The following CIMIP2C variants were observed in gnomAD, a reference collection of about 807,000 sequenced individuals.
CIMIP2C encodes UPF0573 protein C2orf70.
At chr2:26,570,495 C>G in the CIMIP2C span, among the ~76,000 whole-genome samples, 2 of 152,200 alleles carry the variant, frequency 1.3e-5, no homozygotes, top group Admixed American at 6.5e-5. Context: ...CAAGTTCATT[C>G]GGGTCTGAGT....
At chr2:26,576,986 C>A in the CIMIP2C span, among the ~76,000 whole-genome samples, 75 of 152,204 alleles carry the variant, frequency 4.9e-4, 3 homozygotes, top group Admixed American at 3.1e-3. Flanking sequence ...AAGGTGTGTC[C>A]TGGCCCCAGG....
chr2:26,572,296 G>A, the CIMIP2C span: 1 of 753,844 alleles, frequency 1.3e-6, no homozygotes. Flanking sequence ...CACTTCAATA[G>A]ATTTGAAGCT....
At chr2:26,578,900 C>T in the CIMIP2C span, 1 of 473,372 alleles carries the variant, frequency 2.1e-6, no homozygotes, top group South Asian at 1.5e-5. Flanking sequence ...GAATCCCCTC[C>T]ATCAGCACCA....
chr2:26,568,463 A>G, the CIMIP2C span, among the ~76,000 whole-genome samples: 1 of 152,222 alleles, frequency 6.6e-6, no homozygotes, highest in African/African-American at 2.4e-5. Context: ...CTCTACCTTG[A>G]GGAACTGTGG....
the CIMIP2C span, chr2:26,579,462 T>C: frequency 6.2e-7 from 1 of 1,607,898 alleles, no homozygotes; most frequent in African/African-American, 1.3e-5. Context: ...GAGCAGAGCC[T>C]GATGCCTGAG....
the CIMIP2C span, among the ~76,000 whole-genome samples, chr2:26,573,198 T>C: frequency 3.6e-4 from 55 of 151,542 alleles, no homozygotes; most frequent in African/African-American, 1.3e-3. Context: ...AGGGTGAGAG[T>C]TGAGAAATCA....
chr2:26,568,492 G>A, the CIMIP2C span, among the ~76,000 whole-genome samples: 7 of 152,218 alleles, frequency 4.6e-5, no homozygotes, highest in African/African-American at 1.7e-4. Context: ...AAGAACAGGT[G>A]ATCAGGGGCT....
At chr2:26,572,349 GTTTTT>G in the CIMIP2C span, among the ~76,000 whole-genome samples, 1 of 138,658 alleles carries the variant, frequency 7.2e-6, no homozygotes, top group African/African-American at 2.7e-5. Context: ...TACTGAGTTG[GTTTTT>G]TTTTTTTTTT....
chr2:26,579,523 G>A, the CIMIP2C span: 1 of 1,502,128 alleles, frequency 6.7e-7, no homozygotes, highest in Non-Finnish European at 9.1e-7. Context: ...CTTTAGCCAT[G>A]ACCATGCTAC....
At chr2:26,576,256 C>A in the CIMIP2C span, 51,471 of 1,485,262 alleles carry the variant, frequency 0.035, 1,052 homozygotes, top group Middle Eastern at 0.068. Flanking sequence ...GGCCAGGGGC[C>A]AGGGGGAGAC....
the CIMIP2C span, chr2:26,575,942 G>A: frequency 1.1e-5 from 18 of 1,613,398 alleles, no homozygotes; most frequent in Admixed American, 6.7e-5. Flanking sequence ...CTCCTTTGGC[G>A]CTCCCTACGG....
the CIMIP2C span, chr2:26,577,634 T>C: frequency 6.2e-7 from 1 of 1,607,974 alleles, no homozygotes; most frequent in Non-Finnish European, 8.5e-7. Flanking sequence ...GTCCTGTGAG[T>C]GCCTGCCCTC....
At chr2:26,571,601 A>T in the CIMIP2C span, among the ~76,000 whole-genome samples, 1 of 152,208 alleles carries the variant, frequency 6.6e-6, no homozygotes, top group Admixed American at 6.5e-5. Flanking sequence ...GTTTCATGCC[A>T]TCTGACTCTG....
At chr2:26,573,730 G>C in the CIMIP2C span, among the ~76,000 whole-genome samples, 9 of 152,236 alleles carry the variant, frequency 5.9e-5, no homozygotes, top group Non-Finnish European at 1.2e-4. Flanking sequence ...CCAGGGTCAC[G>C]GTGTCAAGGG....
chr2:26,578,589 C>T, the CIMIP2C span: 3 of 331,156 alleles, frequency 9.1e-6, no homozygotes, highest in Admixed American at 7.9e-5. Flanking sequence ...AGCAGCATCT[C>T]CCATCACCAC....
the CIMIP2C span, among the ~76,000 whole-genome samples, chr2:26,572,815 G>A: frequency 6.6e-6 from 1 of 152,322 alleles, no homozygotes; most frequent in African/African-American, 2.4e-5. Context: ...AGGAGAAGGA[G>A]GGAGGGGAGA....
the CIMIP2C span, among the ~76,000 whole-genome samples, chr2:26,573,692 C>A: frequency 6.6e-6 from 1 of 152,240 alleles, no homozygotes; most frequent in East Asian, 1.9e-4. Context: ...AGGAAGGGCA[C>A]TGAGGTGGTG....
chr2:26,563,038 G>C, the CIMIP2C span: 4 of 291,734 alleles, frequency 1.4e-5, no homozygotes, highest in African/African-American at 8.9e-5. Context: ...AGCCTCCAGC[G>C]CTTAGAGAAA....
chr2:26,574,848 C>T, the CIMIP2C span, among the ~76,000 whole-genome samples: 1 of 152,234 alleles, frequency 6.6e-6, no homozygotes, highest in African/African-American at 2.4e-5. Flanking sequence ...GTCCACCGAC[C>T]TGCAGCAGCA....
Sources: gnomAD v4.1 joint callset for allele counts (sites outside exome capture counted in the v4.1 genomes callset) on GRCh38, gnomAD v4.1.1 for gene constraint, MANE v1.5 for transcripts, NCBI Gene and HGNC (gene_info 2026-07-23, HGNC 2026-07-21) for gene names.